PDIA5: variants seen among roughly 807,000 people sequenced by gnomAD.
PDIA5 encodes the protein protein disulfide-isomerase A5.
A neutral mutation model predicts 77.6 loss-of-function variants in PDIA5; 58 were observed. The observed-to-expected ratio is 0.75, with a 90% CI of 0.61 to 0.93. The LOEUF is 0.93. PDIA5 is among the 40% of genes least tolerant of loss of function. The probability of loss-of-function intolerance (pLI) is 0.00; values close to 1 mark genes in which losing one functional copy is unlikely to be tolerated. For synonymous variants in PDIA5, 250 were observed against 252.1 expected, an observed-to-expected ratio of 0.99 and a Z score of 0.08; for missense variants, 630 against 647.7, an observed-to-expected ratio of 0.97 and a Z score of 0.30.
At chr3:123,123,711 A>T (rs1003991783) in intron 8 of PDIA5, among the ~76,000 whole-genome samples, 1 of 152,274 alleles carries the variant, frequency 6.6e-6, no homozygotes, top group Non-Finnish European at 1.5e-5. Flanking sequence ...GGCGTAACAC[A>T]TCCTTGGCAG....
intron 15 of PDIA5, among the ~76,000 whole-genome samples, chr3:123,157,526 TG>T (rs1228873958): frequency 2.0e-5 from 3 of 152,198 alleles, no homozygotes; most frequent in Non-Finnish European, 4.4e-5. Context: ...CAGCCAGAAC[TG>T]GGTCTCCTGA....
In PDIA5 at chr3:123,092,511, G is replaced by C. The variant is rs114043854; in HGVS notation, c.257+69G>C. 983 of 1,074,744 alleles carry C rather than the reference G, an allele frequency of 9.1e-4. 2 individuals are homozygous for C. The African/African-American group carries it at 0.012, about 13-fold the overall frequency. 66.6% of individuals were successfully genotyped at this position (1,074,744 alleles called of 1,614,324 possible). ...GGCACTTGGGGCTTTGATTGGTGGG[G>C]ACAGGAACTGTCTCTTGATTAATAA... On this transcript the variant is annotated intron_variant, in intron 3 of 16. Coordinates refer to ENST00000316218, the MANE Select transcript of PDIA5 (RefSeq NM_006810.4).
At chr3:123,076,865 T>G (rs1560494092) in intron 1 of PDIA5, among the ~76,000 whole-genome samples, 1 of 152,220 alleles carries the variant, frequency 6.6e-6, no homozygotes, top group Non-Finnish European at 1.5e-5. Flanking sequence ...GGGACTTAAG[T>G]CCTGGCTAAA....
chr3:123,130,509 A>C lies in PDIA5; in HGVS notation c.803A>C (p.Glu268Ala). Residue 268 changes from glutamate (E) to alanine (A), a missense_variant, in exon 11 of 17, where the codon GAG becomes GCG. Coordinates refer to ENST00000316218, the MANE Select transcript of PDIA5 (RefSeq NM_006810.4). ...CAGCCGCCACAGCCCCAGGTCCCTG[A>C]GACTCCCTGGGCAGATGAGGGCGGC... ...NPQPPQPQVP[E>A]TPWADEGGSV... 2 of 1,614,014 alleles carry C rather than the reference A, an allele frequency of 1.2e-6. No individual in the cohort carries two copies. The highest frequency in any genetic ancestry group is 4.5e-5 in the East Asian group (2 of 44,864).
chr3:123,085,467 G>T (rs994268024), intron 1 of PDIA5, among the ~76,000 whole-genome samples: 1 of 152,230 alleles, frequency 6.6e-6, no homozygotes, highest in African/African-American at 2.4e-5. Flanking sequence ...CAAATGCTGG[G>T]TGAGGGGCTT....
At chr3:123,110,785 C>T (rs1011931520) in intron 6 of PDIA5, among the ~76,000 whole-genome samples, 159 bp from the exon 7 acceptor site, 7 of 152,154 alleles carry the variant, frequency 4.6e-5, no homozygotes, top group Middle Eastern at 3.2e-3. Context: ...TGCCCCCACC[C>T]GCAAATCAGC....
At chr3:123,121,941 T>A (rs1935131076) in intron 8 of PDIA5, among the ~76,000 whole-genome samples, 1 of 152,130 alleles carries the variant, frequency 6.6e-6, no homozygotes, top group Non-Finnish European at 1.5e-5. Flanking sequence ...GCATCCTGAG[T>A]CCATGCTTCC....
At chr3:123,089,351 G>C in intron 2 of PDIA5, 57 bp downstream of exon 2, 1 of 1,564,966 alleles carries the variant, frequency 6.4e-7, no homozygotes, top group Non-Finnish European at 8.8e-7. Context: ...GGATTCAGGG[G>C]AAGGAGTGGG....
intron 15 of PDIA5, among the ~76,000 whole-genome samples, chr3:123,160,849 T>C (rs1245776962): frequency 6.6e-6 from 1 of 152,188 alleles, no homozygotes; most frequent in Non-Finnish European, 1.5e-5. Context: ...GTTATTTTCC[T>C]TAAGTCTTAC....
At chr3:123,073,928 G>C (rs1006118229) in intron 1 of PDIA5, among the ~76,000 whole-genome samples, 14 of 152,220 alleles carry the variant, frequency 9.2e-5, no homozygotes, top group African/African-American at 3.4e-4. Context: ...AAACATAAAG[G>C]TGATCCAGTA....
intron 6 of PDIA5, 81 bp from the exon 7 acceptor site, chr3:123,110,863 T>C (rs1934843270): frequency 2.7e-6 from 3 of 1,102,342 alleles, no homozygotes; most frequent in Non-Finnish European, 4.2e-6. Context: ...CACCCTGCTG[T>C]ATGCAGGAGG....
At chr3:123,067,269 C>A in intron 1 of PDIA5, 63 bp downstream of exon 1, 1 of 1,190,088 alleles carries the variant, frequency 8.4e-7, no homozygotes, top group Non-Finnish European at 1.1e-6. Flanking sequence ...CCCTTCTGCG[C>A]TCTCTGCTCC....
Position 123,079,041 on chromosome 3 carries a change from G to A in PDIA5, c.43-10127G>A, listed in dbSNP as rs368571728. Among the ~76,000 whole-genome samples the A allele has an allele frequency of 3.9e-5, 6 of 152,158 alleles. No homozygotes were observed. In the East Asian group the frequency reaches 7.7e-4, roughly 20 times the overall value. On this transcript the variant is annotated intron_variant, in intron 1 of 16. Coordinates refer to ENST00000316218, the MANE Select transcript of PDIA5 (RefSeq NM_006810.4). The stretch of plus-strand genomic sequence containing the variant: ...TTTTTTTCTTTAAACATTTAGATTG[G>A]ACATGCTTATTATGGCAAGTTGAAA...
chr3:123,156,628 G>A (rs1230089566), intron 15 of PDIA5, among the ~76,000 whole-genome samples: 1 of 152,324 alleles, frequency 6.6e-6, no homozygotes, highest in East Asian at 1.9e-4. Context: ...TGGGCAGCAG[G>A]AGAAAGGCTG....
chr3:123,133,573 G>T (rs1462549126), intron 11 of PDIA5, among the ~76,000 whole-genome samples: 1 of 152,226 alleles, frequency 6.6e-6, no homozygotes, highest in Non-Finnish European at 1.5e-5. Flanking sequence ...AATCAGACAG[G>T]ATGGAGCTAC....
intron 11 of PDIA5, among the ~76,000 whole-genome samples, chr3:123,140,050 T>C (rs1468769807): frequency 6.6e-6 from 1 of 152,136 alleles, no homozygotes; most frequent in East Asian, 1.9e-4. Flanking sequence ...AGGGAGGGTC[T>C]CCTAGAAGGT....
chr3:123,120,856 T>C (rs1365105627), intron 8 of PDIA5, among the ~76,000 whole-genome samples: 1 of 151,482 alleles, frequency 6.6e-6, no homozygotes, highest in Non-Finnish European at 1.5e-5. Flanking sequence ...TCATGCACCC[T>C]TCATCCTCTC....
At chr3:123,150,766 C>T (rs1330112787) in intron 14 of PDIA5, among the ~76,000 whole-genome samples, 2 of 152,074 alleles carry the variant, frequency 1.3e-5, no homozygotes, top group Non-Finnish European at 2.9e-5. Flanking sequence ...TCTCCCTGCC[C>T]TTCCAGATGG....
At chr3:123,113,838 T>C (rs1934927944) in intron 7 of PDIA5, among the ~76,000 whole-genome samples, 2 of 152,172 alleles carry the variant, frequency 1.3e-5, no homozygotes, top group African/African-American at 4.8e-5. Context: ...ATTCAGGAAA[T>C]GTTTGCTCAC....
Sources: gnomAD v4.1 joint callset for allele counts (sites outside exome capture counted in the v4.1 genomes callset) on GRCh38, gnomAD v4.1.1 for gene constraint, MANE v1.5 for transcripts, NCBI Gene and HGNC (gene_info 2026-07-23, HGNC 2026-07-21) for gene names.